THSD7B: variants seen among roughly 807,000 people sequenced by gnomAD.
THSD7B encodes the protein thrombospondin type 1 domain containing 7B, also known as thrombospondin type-1 domain-containing protein 7B.
In THSD7B, 138 loss-of-function variants were observed where a neutral mutation model predicts 213.6. That is an observed-to-expected ratio of 0.65 (90% CI 0.56 to 0.74). THSD7B has a LOEUF of 0.74. THSD7B is among the 30% of genes least tolerant of loss of function. The pLI, the probability that THSD7B is intolerant of heterozygous loss-of-function variation, is 0.00. For synonymous variants in THSD7B, 742 were observed against 687.0 expected, an observed-to-expected ratio of 1.08 and a Z score of -1.25; for missense variants, 1,931 against 1,991.5, an observed-to-expected ratio of 0.97 and a Z score of 0.58.
intron 14 of THSD7B, among the ~76,000 whole-genome samples, chr2:137,445,440 CATCCT>C (rs1203770110): frequency 6.6e-6 from 1 of 151,840 alleles, no homozygotes; most frequent in African/African-American, 2.4e-5. Flanking sequence ...ATGAAATTGA[CATCCT>C]ATCATTTGCA....
intron 10 of THSD7B, among the ~76,000 whole-genome samples, chr2:137,256,942 T>C (rs1014482272): frequency 2.6e-5 from 4 of 152,104 alleles, no homozygotes. Flanking sequence ...AGGGTGAGGG[T>C]CCGCATTTGG....
In THSD7B at chr2:136,930,746, A is replaced by G. The variant is rs1211180721; in HGVS notation, c.139+48429A>G. On this transcript the variant is annotated intron_variant, in intron 2 of 27. Coordinates refer to ENST00000409968, the MANE Select transcript of THSD7B (RefSeq NM_001316349.2). ...AGTCTTTGTGTCTGCTCAGAGAGAAAAAATACCACAGATATTTTAAAGAAT... is the reference window on the plus strand; with the variant it reads ...AGTCTTTGTGTCTGCTCAGAGAGAAGAAATACCACAGATATTTTAAAGAAT... Among the ~76,000 whole-genome samples, 3 of 152,224 alleles carry G rather than the reference A, an allele frequency of 2.0e-5. No homozygotes were observed. The South Asian group carries it at 6.2e-4, about 32-fold the overall frequency.
chr2:137,064,933 G>A (rs973072893), intron 3 of THSD7B, among the ~76,000 whole-genome samples: 1 of 151,756 alleles, frequency 6.6e-6, no homozygotes, highest in South Asian at 2.1e-4. Flanking sequence ...TTGAAGTCAG[G>A]TAATGTGATT....
intron 15 of THSD7B, among the ~76,000 whole-genome samples, chr2:137,562,821 T>G (rs1297899832): frequency 1.3e-5 from 2 of 152,102 alleles, no homozygotes; most frequent in African/African-American, 4.8e-5. Context: ...ATAATTTTCC[T>G]TATATATGTT....
chr2:137,248,002 T>C (rs1334281186), intron 10 of THSD7B, among the ~76,000 whole-genome samples: 2 of 152,130 alleles, frequency 1.3e-5, no homozygotes, highest in Non-Finnish European at 2.9e-5. Flanking sequence ...TATTTTTATT[T>C]AATCTCAACC....
At chr2:137,179,767 C>T (rs897444684) in intron 7 of THSD7B, among the ~76,000 whole-genome samples, 4 of 152,082 alleles carry the variant, frequency 2.6e-5, no homozygotes, top group Admixed American at 6.6e-5. Flanking sequence ...ATCAGTGCTC[C>T]TTTACCTCTG....
intron 1 of THSD7B, among the ~76,000 whole-genome samples, chr2:136,767,357 C>A (rs926097363): frequency 1.3e-5 from 2 of 151,924 alleles, no homozygotes; most frequent in African/African-American, 4.8e-5. Flanking sequence ...TAATAGGAGT[C>A]TTCTTTTGAA....
intron 15 of THSD7B, among the ~76,000 whole-genome samples, chr2:137,518,321 C>T (rs1333588546): frequency 6.6e-6 from 1 of 152,186 alleles, no homozygotes; most frequent in African/African-American, 2.4e-5. Context: ...CAGGACATCC[C>T]TGAAGGACAG....
intron 2 of THSD7B, among the ~76,000 whole-genome samples, chr2:137,035,710 T>A (rs1686762118): frequency 6.6e-6 from 1 of 152,094 alleles, no homozygotes; most frequent in Admixed American, 6.5e-5. Context: ...GCTTTCTGTG[T>A]TCTTAAAAAG....
At chr2:137,326,729 G>A (rs1024726067) in intron 12 of THSD7B, among the ~76,000 whole-genome samples, 1 of 152,148 alleles carries the variant, frequency 6.6e-6, no homozygotes, top group African/African-American at 2.4e-5. Flanking sequence ...GAAGATGCTG[G>A]AATGAACAGT....
intron 2 of THSD7B, among the ~76,000 whole-genome samples, chr2:136,965,029 A>AG (rs397985965): frequency 7.2e-6 from 1 of 139,226 alleles, no homozygotes; most frequent in African/African-American, 2.6e-5. Flanking sequence ...AAAAAAAAAA[A>AG]GGGTTGTTTA....
At position 137,397,216 on chromosome 2, in the gene THSD7B, G is replaced by A. The variant is rs570090339; in HGVS notation, c.2501-8397G>A. On this transcript the variant is annotated intron_variant, in intron 12 of 27. Coordinates refer to ENST00000409968, the MANE Select transcript of THSD7B (RefSeq NM_001316349.2). ...ATTTGATCCTGTCATTATGATGTTA[G>A]CTGGTGATTTTGCTTGTTAGTTGAT... Among the ~76,000 whole-genome samples, 1,196 of 152,042 alleles carry A rather than the reference G, an allele frequency of 7.9e-3. 14 individuals are homozygous for A. Among genetic ancestry groups the A allele is most frequent in the African/African-American group, 0.027 (1,125 of 41,458 alleles).
At chr2:137,152,233 T>A (rs888092360) in intron 5 of THSD7B, among the ~76,000 whole-genome samples, 1 of 152,178 alleles carries the variant, frequency 6.6e-6, no homozygotes, top group Admixed American at 6.5e-5. Flanking sequence ...TCTTTTACTT[T>A]AACAACACTT....
intron 1 of THSD7B, among the ~76,000 whole-genome samples, chr2:136,816,341 A>G (rs1277654364): frequency 6.6e-6 from 1 of 152,216 alleles, no homozygotes; most frequent in Non-Finnish European, 1.5e-5. Context: ...TTAAATGTCT[A>G]CTACATGCAC....
intron 1 of THSD7B, among the ~76,000 whole-genome samples, chr2:136,824,825 G>A (rs1414702068): frequency 6.6e-6 from 1 of 152,166 alleles, no homozygotes; most frequent in African/African-American, 2.4e-5. Context: ...GCAGTTGGAG[G>A]TCTGCATACT....
chr2:136,839,520 G>A (rs989562968), intron 1 of THSD7B, among the ~76,000 whole-genome samples: 7 of 151,980 alleles, frequency 4.6e-5, no homozygotes, highest in African/African-American at 1.7e-4. Flanking sequence ...TAATATTATT[G>A]TTTCACTATA....
At chr2:137,085,042 C>A (rs149209023) in intron 3 of THSD7B, among the ~76,000 whole-genome samples, 1 of 152,138 alleles carries the variant, frequency 6.6e-6, no homozygotes, top group Non-Finnish European at 1.5e-5. Flanking sequence ...GTGAGAGAAC[C>A]CTGACAGTGC....
Position 137,030,345 on chromosome 2 carries a change from A to C in THSD7B, c.140-26075A>C, listed in dbSNP as rs115605447. On this transcript the variant is annotated intron_variant, in intron 2 of 27. Coordinates refer to ENST00000409968, the MANE Select transcript of THSD7B (RefSeq NM_001316349.2). The stretch of plus-strand genomic sequence containing the variant: ...TTTTAAGGATATGGAGTATGAGACT[A>C]AGTTTATCCAGAATATAGTCAGACA... Among the ~76,000 whole-genome samples the C allele has an allele frequency of 1.8e-3, 280 of 152,286 alleles. 2 individuals carry two copies. Among genetic ancestry groups the C allele is most frequent in the African/African-American group, 6.5e-3 (270 of 41,552 alleles).
At chr2:137,529,101 C>T (rs1020236536) in intron 15 of THSD7B, among the ~76,000 whole-genome samples, 2 of 152,076 alleles carry the variant, frequency 1.3e-5, no homozygotes, top group East Asian at 3.9e-4. Context: ...GGATCTTCCA[C>T]TTCATGGAGA....
Sources: gnomAD v4.1 joint callset for allele counts (sites outside exome capture counted in the v4.1 genomes callset) on GRCh38, gnomAD v4.1.1 for gene constraint, MANE v1.5 for transcripts, NCBI Gene and HGNC (gene_info 2026-07-23, HGNC 2026-07-21) for gene names.